Variants in SNAP91 observed in about 807,000 individuals in gnomAD.
SNAP91 encodes the protein clathrin coat assembly protein AP180.
SNAP91 carries 27 observed loss-of-function variants against 100.3 expected under a neutral mutation model. That is an observed-to-expected ratio of 0.27 (90% CI 0.20 to 0.37). The LOEUF (loss-of-function observed/expected upper bound fraction) is 0.37, where lower values mean the gene tolerates loss of function less well. Ranked by LOEUF, SNAP91 falls within the 10% of genes least tolerant of loss-of-function variation. SNAP91 has a pLI of 1.00. For synonymous variants in SNAP91, 404 were observed against 398.6 expected (o/e 1.01, Z -0.16); for missense variants, 986 against 1,123.7 (o/e 0.88, Z 1.75).
intron 22 of SNAP91, among the ~76,000 whole-genome samples, chr6:83,588,630 T>A (rs1210099654): frequency 6.6e-6 from 1 of 152,154 alleles, no homozygotes; most frequent in Non-Finnish European, 1.5e-5. Context: ...TTCAGGCTTG[T>A]TCTAGATGTG....
chr6:83,560,242 T>C, intron 27 of SNAP91, 34 bp from the exon 28 acceptor site: 1 of 1,488,148 alleles, frequency 6.7e-7, no homozygotes. Flanking sequence ...GTTCAGAGCA[T>C]GAGTGGAACT....
At position 83,553,000 on chromosome 6, in the gene SNAP91, C is replaced by T. The variant is rs1018681156; in HGVS notation, c.*1296G>A. The T allele has an allele frequency of 6.6e-6, 1 of 152,570 alleles. No homozygotes were observed. The highest frequency in any genetic ancestry group is 6.5e-5 in the Admixed American group (1 of 15,274). The allele number at this position is 152,570 out of a possible 1,614,324, so 9.5% of individuals were successfully genotyped here. ...AAATTGGTTTTAGGTAATTTTTCCC[C>T]ATTACAGTGTATGTTATCCCCACAG... is the stretch of plus-strand genomic sequence containing the variant. On this transcript the variant is annotated 3_prime_UTR_variant, in exon 30 of 30. Transcript: ENST00000369694.
intron 8 of SNAP91, among the ~76,000 whole-genome samples, chr6:83,635,874 C>T (rs1260574549): frequency 6.6e-6 from 1 of 152,160 alleles, no homozygotes; most frequent in East Asian, 1.9e-4. Flanking sequence ...ATTGGTAACA[C>T]ATTCCCTTAG....
In SNAP91 at chr6:83,582,366, A is replaced by T. The variant is rs747281309; in HGVS notation, c.2015-10T>A. The T allele has an allele frequency of 6.2e-7, 1 of 1,609,312 alleles. No individual in the cohort carries two copies. Among genetic ancestry groups the T allele is most frequent in the East Asian group, 2.2e-5 (1 of 44,820 alleles). On this transcript the variant is annotated splice_polypyrimidine_tract_variant and intron_variant, in intron 22 of 29. Transcript: ENST00000369694. ...AAAGAACCCCCAAATCCTGAAAAAAAGTTCCAAAAAAACAAGCAGAAATAA... is the reference window on the plus strand; with the variant it reads ...AAAGAACCCCCAAATCCTGAAAAAATGTTCCAAAAAAACAAGCAGAAATAA...
intron 7 of SNAP91, among the ~76,000 whole-genome samples, chr6:83,653,972 A>G (rs1361839973): frequency 2.0e-5 from 3 of 152,162 alleles, no homozygotes; most frequent in African/African-American, 4.8e-5. Flanking sequence ...CTCCTTCTTA[A>G]GGACAAGAGT....
intron 22 of SNAP91, among the ~76,000 whole-genome samples, chr6:83,585,772 C>T (rs1186866941): frequency 6.6e-6 from 1 of 151,886 alleles, no homozygotes; most frequent in East Asian, 1.9e-4. Flanking sequence ...TCAGATATAT[C>T]AAGTCTGACT....
intron 26 of SNAP91, among the ~76,000 whole-genome samples, chr6:83,565,720 T>C (rs1048297478): frequency 2.0e-5 from 3 of 152,160 alleles, no homozygotes; most frequent in African/African-American, 7.2e-5. Flanking sequence ...TGTTAAACAC[T>C]GTTAGTCATT....
chr6:83,686,648 A>G (rs2099065641), intron 2 of SNAP91, among the ~76,000 whole-genome samples: 1 of 152,250 alleles, frequency 6.6e-6, no homozygotes, highest in Non-Finnish European at 1.5e-5. Flanking sequence ...TTCAAGTGTA[A>G]TACACAGCAG....
intron 2 of SNAP91, among the ~76,000 whole-genome samples, chr6:83,692,182 C>T (rs189443935): frequency 9.4e-4 from 143 of 152,214 alleles, no homozygotes; most frequent in Admixed American, 2.1e-3. Context: ...CCTCTAATAA[C>T]GATAATTTAT....
At chr6:83,607,003 C>T (rs891982551) in intron 13 of SNAP91, among the ~76,000 whole-genome samples, 1 of 152,168 alleles carries the variant, frequency 6.6e-6, no homozygotes, top group African/African-American at 2.4e-5. Flanking sequence ...GGATTTCTTG[C>T]TCAGTTCAAA....
chr6:83,708,385 A>G (rs2099410759), intron 1 of SNAP91: 1 of 158,788 alleles, frequency 6.3e-6, no homozygotes, highest in Non-Finnish European at 1.4e-5. Context: ...TCCTCCTAGC[A>G]GCCCGCAGGC....
chr6:83,649,091 T>C (rs1408654292), intron 7 of SNAP91, among the ~76,000 whole-genome samples: 1 of 152,252 alleles, frequency 6.6e-6, no homozygotes, highest in Non-Finnish European at 1.5e-5. Context: ...CTTCTAGGCC[T>C]GCTGTGAGGC....
At chr6:83,604,999 C>G (rs1466541814) in intron 14 of SNAP91, among the ~76,000 whole-genome samples, 6 of 152,044 alleles carry the variant, frequency 3.9e-5, no homozygotes, top group African/African-American at 1.4e-4. Context: ...GTATTTAAAA[C>G]CAACTCTTTG....
At chr6:83,662,901 T>G (rs1300920632) in intron 3 of SNAP91, among the ~76,000 whole-genome samples, 1 of 152,144 alleles carries the variant, frequency 6.6e-6, no homozygotes, top group East Asian at 1.9e-4. Flanking sequence ...TTTATTGCAC[T>G]TTTTGCAAAT....
At chr6:83,633,996 A>T (rs2097323403) in intron 8 of SNAP91, among the ~76,000 whole-genome samples, 3 of 152,130 alleles carry the variant, frequency 2.0e-5, no homozygotes, top group Admixed American at 2.0e-4. Context: ...GATATACCTA[A>T]TGCTAAATGA....
intron 2 of SNAP91, among the ~76,000 whole-genome samples, chr6:83,698,603 G>A (rs1199523192): frequency 2.0e-5 from 3 of 152,134 alleles, no homozygotes; most frequent in African/African-American, 7.2e-5. Flanking sequence ...AAAAGGAGAC[G>A]AGGGAAAATG....
intron 6 of SNAP91, 141 bp downstream of exon 6, chr6:83,658,858 C>T (rs2098468948): frequency 1.5e-6 from 1 of 649,928 alleles, no homozygotes; most frequent in African/African-American, 1.8e-5. Flanking sequence ...CTTTACCGAG[C>T]TTAACAGCCT....
intron 7 of SNAP91, 46 bp from the exon 8 acceptor site, chr6:83,641,248 C>A: frequency 3.7e-6 from 3 of 812,080 alleles, no homozygotes; most frequent in East Asian, 3.1e-5. Flanking sequence ...GTATTATGTT[C>A]TATTTTTTTC....
chr6:83,656,050 T>G (rs2098396863), intron 7 of SNAP91, among the ~76,000 whole-genome samples: 1 of 152,198 alleles, frequency 6.6e-6, no homozygotes, highest in African/African-American at 2.4e-5. Flanking sequence ...AATTTTCCAC[T>G]TTATGGTAAA....
Sources: gnomAD v4.1 joint callset for allele counts (sites outside exome capture counted in the v4.1 genomes callset) on GRCh38, gnomAD v4.1.1 for gene constraint, MANE v1.5 for transcripts, NCBI Gene and HGNC (gene_info 2026-07-23, HGNC 2026-07-21) for gene names.